TGFB3: variants seen among roughly 807,000 people sequenced by gnomAD.
The protein encoded by TGFB3 is transforming growth factor beta-3 proprotein.
A neutral mutation model predicts 40.1 loss-of-function variants in TGFB3; 5 were observed. The ratio of observed to expected loss-of-function variants is 0.12; its 90% CI spans 0.07 to 0.26. TGFB3 has a LOEUF of 0.26. Among genes scored for constraint, TGFB3 ranks in the 10% least tolerant of loss-of-function variants. The pLI, the probability that TGFB3 is intolerant of heterozygous loss-of-function variation, is 1.00. For missense variants in TGFB3, 373 were observed against 530.1 expected (o/e 0.70, Z 2.91); for synonymous variants, 184 against 205.6 (o/e 0.89, Z 0.90).
At position 75,958,401 on chromosome 14, in the gene TGFB3, G is replaced by C. The variant is rs2140233704; in HGVS notation, c.*786C>G. On this transcript the variant is annotated 3_prime_UTR_variant, in exon 7 of 7. Transcript: ENST00000238682. ...GCATGGAACCACAATCCAGAAATGT[G>C]CATCCTGACCTGGAAGGCGTCTAAC... 6.5e-6 allele frequency: 1 copy of C among 153,066 alleles called. No homozygotes were observed. Among genetic ancestry groups the C allele is most frequent in the Middle Eastern group, 3.4e-3 (1 of 292 alleles). The allele number at this position is 153,066 out of a possible 1,614,324, so 9.5% of individuals were successfully genotyped here.
At chr14:75,982,510 C>G (rs1458338505), upstream of TGFB3, among the ~76,000 whole-genome samples, 1 of 152,218 alleles carries the variant, frequency 6.6e-6, no homozygotes, top group Non-Finnish European at 1.5e-5. This position sits in a 1 kb window ranked among gnomAD's most constrained non-coding sequence, Gnocchi z 4.0. Context: ...TGGCCCGATT[C>G]TTCATTGACA....
At position 75,979,718 on chromosome 14, in the gene TGFB3, C is replaced by T. The variant is rs1419397858; in HGVS notation, c.352+824G>A. On this transcript the variant is annotated intron_variant, in intron 1 of 6. Coordinates refer to ENST00000238682, the MANE Select transcript of TGFB3 (RefSeq NM_003239.5). The surrounding 1 kb of genome is among the most constrained non-coding windows in gnomAD (Gnocchi z 4.8). The stretch of plus-strand genomic sequence containing the variant: ...ATATCCCCCCCCCCCACCATGCACC[C>T]ACTGCCACCCCTCCACCCGCTCTCC... 6.6e-6 allele frequency among the ~76,000 whole-genome samples: 1 copy of T among 151,304 alleles called. No homozygotes were observed. The highest frequency in any genetic ancestry group is 1.9e-4 in the East Asian group (1 of 5,160).
chr14:75,960,786 G>T, intron 6 of TGFB3, 137 bp downstream of exon 6: 1 of 1,194,084 alleles, frequency 8.4e-7, no homozygotes, highest in Non-Finnish European at 1.2e-6. Context: ...GCCAAGATCA[G>T]AACCTTCACC....
intron 4 of TGFB3, among the ~76,000 whole-genome samples, chr14:75,964,863 G>C (rs1251642416): frequency 1.3e-5 from 2 of 152,124 alleles, no homozygotes; most frequent in African/African-American, 4.8e-5. Context: ...ACTGTCCAGC[G>C]CTGAGCCAAA....
rs780891440 is a variant in TGFB3, at chr14:75,971,113, A to G, written c.646+13T>C. Reference sequence around the variant, plus strand: ...GGTTCATTCTGAAATGCTTATCTGAAGGGTCCACCTACCTCTTCTCAACAG... The same window carrying G: ...GGTTCATTCTGAAATGCTTATCTGAGGGGTCCACCTACCTCTTCTCAACAG... On this transcript the variant is annotated intron_variant, in intron 3 of 6. Coordinates refer to ENST00000238682, the MANE Select transcript of TGFB3 (RefSeq NM_003239.5). This position sits in a 1 kb window ranked among gnomAD's most constrained non-coding sequence, Gnocchi z 4.5. 216 of 1,613,524 alleles carry G rather than the reference A, an allele frequency of 1.3e-4. 3 individuals carry two copies. Among genetic ancestry groups the G allele is most frequent in the Non-Finnish European group, 9.2e-5 (109 of 1,179,966 alleles).
rs972467640 is a variant in TGFB3 at position 75,981,220 on chromosome 14, G to C, written c.-327C>G. The C allele has an allele frequency of 1.9e-5, 8 of 416,664 alleles. No individual in the cohort carries two copies. Among genetic ancestry groups the C allele is most frequent in the Non-Finnish European group, 3.1e-5 (7 of 222,282 alleles). The allele number at this position is 416,664 out of a possible 1,614,324, so 25.8% of individuals were successfully genotyped here. On this transcript the variant is annotated 5_prime_UTR_variant, in exon 1 of 7. Transcript: ENST00000238682. This position sits in a 1 kb window ranked among gnomAD's most constrained non-coding sequence, Gnocchi z 4.7. ...GGCTGGGAGGGGTGGCAAGGCAGCT[G>C]GGAGTGGGAAGGGAGCTGGAGTTTT...
At position 75,980,568 on chromosome 14, in the gene TGFB3, T is replaced by A; in HGVS notation, c.326A>T (p.Asp109Val). 4.3e-6 allele frequency: 7 copies of A among 1,614,220 alleles called. No individual in the cohort carries two copies. The highest frequency in any genetic ancestry group is 5.1e-6 in the Non-Finnish European group (6 of 1,180,036). Residue 109 changes from aspartate to valine, a missense_variant, in exon 1 of 7, where the codon GAC becomes GTC. Transcript: ENST00000238682. This position sits in a 1 kb window ranked among gnomAD's most constrained non-coding sequence, Gnocchi z 4.3. ...GTGCTCCGCCAGCCCCTGGATCATG[T>A]CGAATTTATGGATTTCTTTGGCATA... Reference protein sequence around the residue: ...EYYAKEIHKFDMIQGLAEHNE... With the variant: ...EYYAKEIHKFVMIQGLAEHNE...
intron 6 of TGFB3, among the ~76,000 whole-genome samples, chr14:75,959,931 C>CTT (rs71122509): frequency 0.095 from 3,025 of 32,000 alleles, 1,287 homozygotes; most frequent in Non-Finnish European, 0.11. Context: ...ATTATCTTGG[C>CTT]TTTTTTTTTT....
Position 75,971,178 on chromosome 14 carries a change from C to G in TGFB3, c.594G>C (p.Glu198Asp). The G allele has an allele frequency of 6.2e-7, 1 of 1,614,188 alleles. No homozygotes were observed. The highest frequency in any genetic ancestry group is 8.5e-7 in the Non-Finnish European group (1 of 1,180,040). ...GKNLPTRGTAEWLSFDVTDTV... is the reference protein window; with the variant it reads ...GKNLPTRGTADWLSFDVTDTV... ...TGTCAGTGACATCAAAGGACAGCCA[C>G]TCGGCAGTGCCCCGTGTGGGCAGAT... The change falls in exon 3 of 7, where the codon GAG becomes GAC. Residue 198 changes from glutamate to aspartate, a missense_variant. Glu to Asp is a conservative substitution (Grantham distance 45). Transcript: ENST00000238682. The surrounding 1 kb of genome is among the most constrained non-coding windows in gnomAD (Gnocchi z 4.5).
chr14:75,971,007 A>G lies in TGFB3; in HGVS notation c.646+119T>C. The G allele has an allele frequency of 1.4e-6, 2 of 1,454,104 alleles. No individual in the cohort carries two copies. The highest frequency in any genetic ancestry group is 3.6e-4 in the Middle Eastern group (2 of 5,548). 90.1% of individuals were successfully genotyped at this position (1,454,104 alleles called of 1,614,324 possible). On this transcript the variant is annotated intron_variant, in intron 3 of 6. Coordinates refer to ENST00000238682, the MANE Select transcript of TGFB3 (RefSeq NM_003239.5). This position sits in a 1 kb window ranked among gnomAD's most constrained non-coding sequence, Gnocchi z 4.5. The stretch of plus-strand genomic sequence containing the variant: ...AATGAATGGAGGATACTCAGTGGCA[A>G]AGCTAGGGTTTGAACCCAGATCTCT...
intron 1 of TGFB3, among the ~76,000 whole-genome samples, chr14:75,974,979 T>C (rs969856378): frequency 2.6e-5 from 4 of 151,854 alleles, no homozygotes; most frequent in Non-Finnish European, 5.9e-5. Flanking sequence ...TTATTTCAGC[T>C]ACTCGGGAGG....
At chr14:75,982,387 G>A (rs375973742), upstream of TGFB3, among the ~76,000 whole-genome samples, 1 of 152,196 alleles carries the variant, frequency 6.6e-6, no homozygotes. The surrounding 1 kb of genome is among the most constrained non-coding windows in gnomAD (Gnocchi z 4.0). Flanking sequence ...CCAACCCGGG[G>A]CAGGGTCCGC....
At chr14:75,965,509 G>A in intron 4 of TGFB3, 79 bp downstream of exon 4, 1 of 1,234,848 alleles carries the variant, frequency 8.1e-7, no homozygotes, top group Non-Finnish European at 1.2e-6. Flanking sequence ...TTGAGGTCTG[G>A]TAAGGGTCTC....
chr14:75,967,336 G>A (rs574152492), intron 3 of TGFB3, among the ~76,000 whole-genome samples: 10 of 152,326 alleles, frequency 6.6e-5, no homozygotes, highest in African/African-American at 2.4e-4. Context: ...CGCTCAGTGA[G>A]GGAAGGCAGA....
At chr14:75,964,275 T>C (rs2035195303) in intron 4 of TGFB3, among the ~76,000 whole-genome samples, 1 of 152,104 alleles carries the variant, frequency 6.6e-6, no homozygotes, top group Non-Finnish European at 1.5e-5. Flanking sequence ...TACCAAAAAT[T>C]TAAGGTGTCA....
intron 1 of TGFB3, among the ~76,000 whole-genome samples, chr14:75,975,852 C>A (rs928966078): frequency 6.6e-6 from 1 of 152,172 alleles, no homozygotes; most frequent in South Asian, 2.1e-4. Context: ...CAGACAATGA[C>A]CCACTGCAAA....
chr14:75,969,983 C>T (rs963063436), intron 3 of TGFB3, among the ~76,000 whole-genome samples: 1 of 152,206 alleles, frequency 6.6e-6, no homozygotes, highest in African/African-American at 2.4e-5. Context: ...TTTCCTGCCT[C>T]TTCCCTTGAC....
intron 4 of TGFB3, 50 bp downstream of exon 4, chr14:75,965,538 T>G (rs746976226): frequency 7.3e-6 from 11 of 1,502,160 alleles, no homozygotes; most frequent in Non-Finnish European, 7.4e-6. Flanking sequence ...TCCTGTCCCA[T>G]TAACTTCCCC....
In TGFB3 at chr14:75,959,091, G is replaced by T; in HGVS notation, c.*96C>A. The stretch of plus-strand genomic sequence containing the variant: ...CGGAGCCGAAGGTTGTGGGCTCCAG[G>T]CCTCTCAGTGAGGTTTGTTGCTTGT... On this transcript the variant is annotated 3_prime_UTR_variant, in exon 7 of 7. Transcript: ENST00000238682. 2 of 1,519,030 alleles carry T rather than the reference G, an allele frequency of 1.3e-6. No homozygotes were observed. The highest frequency in any genetic ancestry group is 1.8e-6 in the Non-Finnish European group (2 of 1,095,712). The allele number at this position is 1,519,030 out of a possible 1,614,324, so 94.1% of individuals were successfully genotyped here. A position where few individuals can be genotyped will look rare whatever the true frequency, so the allele number is the denominator to read the frequency against.
Sources: allele counts gnomAD v4.1 joint callset (sites outside exome capture counted in the v4.1 genomes callset), GRCh38; gene constraint gnomAD v4.1.1; non-coding constraint Gnocchi (gnomAD v3.1); transcripts MANE v1.5; gene names NCBI Gene and HGNC (gene_info 2026-07-23, HGNC 2026-07-21).